The following SLC22A23 variants were observed in gnomAD, a reference collection of about 807,000 sequenced individuals.
SLC22A23 encodes ion transporter protein.
SLC22A23 carries 26 observed loss-of-function variants against 61.0 expected under a neutral mutation model. The ratio of observed to expected loss-of-function variants is 0.43; its 90% CI spans 0.31 to 0.59. SLC22A23 has a LOEUF of 0.59. Among genes scored for constraint, SLC22A23 ranks in the 20% least tolerant of loss-of-function variants. SLC22A23 has a pLI of 0.11. For synonymous variants in SLC22A23, 430 were observed against 413.9 expected, an observed-to-expected ratio of 1.04 and a Z score of -0.47; for missense variants, 796 against 934.7, an observed-to-expected ratio of 0.85 and a Z score of 1.94.
chr6:3,288,061 G>T (rs1377788110), intron 6 of SLC22A23, among the ~76,000 whole-genome samples: 1 of 152,114 alleles, frequency 6.6e-6, no homozygotes, highest in Non-Finnish European at 1.5e-5. Context: ...CCACACGAGC[G>T]TATCAACCTG....
rs985739418 is a variant in SLC22A23, at chr6:3,308,921, C to T, written c.1083-10703G>A. Among the ~76,000 whole-genome samples, 34 of 152,082 alleles carry T rather than the reference C, an allele frequency of 2.2e-4. No individual in the cohort carries two copies. The highest frequency in any genetic ancestry group is 4.6e-4 in the African/African-American group (19 of 41,482). On this transcript the variant is annotated intron_variant, in intron 4 of 9. Transcript: ENST00000406686. This position sits in a 1 kb window ranked among gnomAD's most constrained non-coding sequence, Gnocchi z 5.1. ...TTGTGCCACTGCACTCCAGCCTGGG[C>T]GACAGAGCGAGACTCTGTCTCAAAA...
At chr6:3,277,530 C>T (rs1338148128) in intron 9 of SLC22A23, among the ~76,000 whole-genome samples, 1 of 152,226 alleles carries the variant, frequency 6.6e-6, no homozygotes, top group African/African-American at 2.4e-5. Context: ...CTTCTGAGTC[C>T]AGACTGAGCA....
chr6:3,344,698 A>T (rs893089399), intron 3 of SLC22A23, among the ~76,000 whole-genome samples: 1 of 152,266 alleles, frequency 6.6e-6, no homozygotes, highest in Non-Finnish European at 1.5e-5. Flanking sequence ...GAAAGAACCA[A>T]TTCCAAACTT....
At chr6:3,439,081 G>A (rs750816449) in intron 1 of SLC22A23, among the ~76,000 whole-genome samples, 4 of 148,292 alleles carry the variant, frequency 2.7e-5, no homozygotes, top group African/African-American at 1.1e-4. Context: ...GGATCTGACC[G>A]GGGTTTCTCA....
chr6:3,333,937 A>G lies in SLC22A23; in HGVS notation c.914-9935T>C, dbSNP rs184061444. Among the ~76,000 whole-genome samples, 1 of 152,246 alleles carries G rather than the reference A, an allele frequency of 6.6e-6. No homozygotes were observed. The highest frequency in any genetic ancestry group is 1.5e-5 in the Non-Finnish European group (1 of 68,042). On this transcript the variant is annotated intron_variant, in intron 3 of 9. Coordinates refer to ENST00000406686, the MANE Select transcript of SLC22A23 (RefSeq NM_015482.2). This position sits in a 1 kb window ranked among gnomAD's most constrained non-coding sequence, Gnocchi z 4.1. ...AAATATTAGCCACTGAATCCTCCTC[A>G]TAAGCGGATGAGGTTGGGAATGGTG...
At chr6:3,331,934 C>T (rs925344823) in intron 3 of SLC22A23, among the ~76,000 whole-genome samples, 11 of 152,286 alleles carry the variant, frequency 7.2e-5, no homozygotes, top group African/African-American at 2.2e-4. Flanking sequence ...CACAGCTTAC[C>T]ACCCAGGTTT....
At chr6:3,436,925 C>T (rs527365829) in intron 1 of SLC22A23, among the ~76,000 whole-genome samples, 2 of 152,304 alleles carry the variant, frequency 1.3e-5, no homozygotes, top group South Asian at 2.1e-4. Context: ...GTTGCTTCCC[C>T]GTACTCAAGG....
chr6:3,319,383 A>G (rs1170550450), intron 4 of SLC22A23, among the ~76,000 whole-genome samples: 2 of 152,208 alleles, frequency 1.3e-5, no homozygotes, highest in Non-Finnish European at 2.9e-5. Flanking sequence ...TTTAGGCCTC[A>G]GCACAAACAT....
chr6:3,378,657 C>CTTTTTTTTT (rs574704294), intron 3 of SLC22A23, among the ~76,000 whole-genome samples: 31 of 119,088 alleles, frequency 2.6e-4, no homozygotes, highest in East Asian at 7.4e-4. Flanking sequence ...TTTCTTTTTT[C>CTTTTTTTTT]TTTTTTTTTT....
Position 3,298,172 on chromosome 6 carries a change from C to G in SLC22A23, c.1129G>C (p.Glu377Gln). The G allele has an allele frequency of 1.3e-6, 2 of 1,591,936 alleles. No homozygotes were observed. The highest frequency in any genetic ancestry group is 1.7e-6 in the Non-Finnish European group (2 of 1,171,876). ...TGGAGGATCAGCCTCTTTGCAGACT[C>G]AAACTGCTGGGTGGCCATTAGCCAC... Reference protein sequence around the residue: ...LRWLMATQQFESAKRLILHFT... With the variant: ...LRWLMATQQFQSAKRLILHFT... Residue 377 changes from glutamate to glutamine, a missense_variant, in exon 5 of 10, where the codon GAG (glutamate) becomes CAG (glutamine). By Grantham distance (29) the Glu-to-Gln change is conservative. Transcript: ENST00000406686.
intron 3 of SLC22A23, among the ~76,000 whole-genome samples, chr6:3,340,370 A>G (rs749077315): frequency 3.3e-5 from 5 of 152,228 alleles, no homozygotes; most frequent in Non-Finnish European, 7.3e-5. Context: ...ACAGCACGTT[A>G]GTATAATAAT....
intron 9 of SLC22A23, chr6:3,282,401 C>A: frequency 1.5e-6 from 1 of 687,188 alleles, no homozygotes; most frequent in Non-Finnish European, 2.7e-6. Context: ...TGCCCAGTAG[C>A]TGTCAGGCTG....
At chr6:3,303,572 T>C (rs1761768064) in intron 4 of SLC22A23, among the ~76,000 whole-genome samples, 2 of 152,182 alleles carry the variant, frequency 1.3e-5, no homozygotes, top group African/African-American at 4.8e-5. Flanking sequence ...CTGAAAGACA[T>C]TATGTTACGA....
intron 9 of SLC22A23, 107 bp from the exon 10 acceptor site, chr6:3,273,519 C>T (rs1311205643): frequency 9.8e-6 from 12 of 1,223,456 alleles, no homozygotes; most frequent in East Asian, 2.4e-5. Context: ...CCCTGCTGCC[C>T]TGGGCACTGC....
chr6:3,412,402 G>T (rs1289810523), intron 2 of SLC22A23, among the ~76,000 whole-genome samples: 1 of 152,158 alleles, frequency 6.6e-6, no homozygotes, highest in African/African-American at 2.4e-5. Flanking sequence ...CCTTTGGTAA[G>T]GGCCAATTAA....
At chr6:3,326,200 C>A (rs910406851) in intron 3 of SLC22A23, among the ~76,000 whole-genome samples, 1 of 152,194 alleles carries the variant, frequency 6.6e-6, no homozygotes, top group Non-Finnish European at 1.5e-5. Context: ...CTGTGGCTGG[C>A]ACATCTCTTA....
At position 3,298,113 on chromosome 6, in the gene SLC22A23, G is replaced by A. The variant is rs151124667; in HGVS notation, c.1188C>T (p.Gly396=). 3.0e-4 allele frequency: 470 copies of A among 1,572,340 alleles called. No individual in the cohort carries two copies. The highest frequency in any genetic ancestry group is 3.8e-4 in the Non-Finnish European group (441 of 1,162,808). The part of the protein sequence containing the change: ...FTQKNRMNPE[G]DIKGVIPELE... ...CACCTGGTATCACACCCTTGATGTC[G>A]CCCTCAGGGTTCATGCGATTCTTCT... Residue 396 remains glycine (G), a synonymous_variant, in exon 5 of 10, where the codon GGC becomes GGT. Coordinates refer to ENST00000406686, the MANE Select transcript of SLC22A23 (RefSeq NM_015482.2).
chr6:3,301,179 C>T (rs186851628), intron 4 of SLC22A23, among the ~76,000 whole-genome samples: 1 of 152,058 alleles, frequency 6.6e-6, no homozygotes, highest in African/African-American at 2.4e-5. Context: ...AAATGCCACC[C>T]CCCATAGTTT....
Position 3,298,193 on chromosome 6 carries a change from G to C in SLC22A23, c.1108C>G (p.Leu370Val), listed in dbSNP as rs780720121. ...GACTCAAACTGCTGGGTGGCCATTA[G>C]CCACCGGAGGGACTCGGGGAATATC... is the stretch of plus-strand genomic sequence containing the variant. The part of the protein sequence containing the change: ...WSIFPESLRW[L>V]MATQQFESAK... Residue 370 changes from leucine (L) to valine (V), a missense_variant, in exon 5 of 10, where the codon CTA (leucine) becomes GTA (valine). Leu to Val is a conservative substitution (Grantham distance 32). Coordinates refer to ENST00000406686, the MANE Select transcript of SLC22A23 (RefSeq NM_015482.2). The C allele has an allele frequency of 2.0e-5, 32 of 1,591,940 alleles. 1 individual carries two copies. In the East Asian group the frequency reaches 3.7e-4, roughly 18 times the overall value.
Sources: allele counts gnomAD v4.1 joint callset (sites outside exome capture counted in the v4.1 genomes callset), GRCh38; gene constraint gnomAD v4.1.1; non-coding constraint Gnocchi (gnomAD v3.1); transcripts MANE v1.5; gene names NCBI Gene and HGNC (gene_info 2026-07-23, HGNC 2026-07-21).